The following GHR variants were observed in gnomAD, a reference collection of about 807,000 sequenced individuals.
GHR encodes growth hormone receptor.
A neutral mutation model predicts 67.1 loss-of-function variants in GHR; 35 were observed. That is an observed-to-expected ratio of 0.52 (90% CI 0.40 to 0.69). GHR has a LOEUF of 0.69. Ranked by LOEUF, GHR falls within the 30% of genes least tolerant of loss-of-function variation. GHR has a pLI of 0.00. For missense variants in GHR, 792 were observed against 764.6 expected, an observed-to-expected ratio of 1.04 and a Z score of -0.42; for synonymous variants, 272 against 269.1, an observed-to-expected ratio of 1.01 and a Z score of -0.10.
intron 1 of GHR, chr5:42,468,041 T>A: frequency 1.2e-6 from 1 of 843,416 alleles, no homozygotes; most frequent in South Asian, 1.6e-5. Context: ...ATCAGCTTTC[T>A]GGATTCTTCC....
intron 3 of GHR, among the ~76,000 whole-genome samples, chr5:42,655,654 G>T (rs952902138): frequency 1.3e-5 from 2 of 151,884 alleles, no homozygotes; most frequent in Non-Finnish European, 2.9e-5. Flanking sequence ...AATATATTCT[G>T]TTCATTGTCA....
At chr5:42,431,581 A>G (rs1403826432) in intron 1 of GHR, among the ~76,000 whole-genome samples, 1 of 152,200 alleles carries the variant, frequency 6.6e-6, no homozygotes, top group Non-Finnish European at 1.5e-5. Flanking sequence ...TCAGCAGATA[A>G]CTTCTTCTAC....
intron 3 of GHR, among the ~76,000 whole-genome samples, chr5:42,655,664 A>C (rs73097903): frequency 0.013 from 2,005 of 152,238 alleles, 36 homozygotes; most frequent in African/African-American, 0.045. Context: ...GTTCATTGTC[A>C]AACATAAAAT....
chr5:42,534,349 T>A (rs1748144803), intron 1 of GHR, among the ~76,000 whole-genome samples: 1 of 141,788 alleles, frequency 7.1e-6, no homozygotes, highest in Admixed American at 7.3e-5. Flanking sequence ...TATATATGTA[T>A]GTATATATGT....
At chr5:42,434,431 G>T (rs1743232981) in intron 1 of GHR, among the ~76,000 whole-genome samples, 1 of 152,132 alleles carries the variant, frequency 6.6e-6, no homozygotes, top group Non-Finnish European at 1.5e-5. Flanking sequence ...AAATTATTGT[G>T]CCTCCTCAAA....
chr5:42,657,776 T>C (rs1755334800), intron 3 of GHR, among the ~76,000 whole-genome samples: 2 of 152,326 alleles, frequency 1.3e-5, no homozygotes, highest in African/African-American at 4.8e-5. Context: ...TACTCCAGTA[T>C]ATCCTAAAAT....
chr5:42,619,306 C>T (rs191123138), intron 2 of GHR, among the ~76,000 whole-genome samples: 11 of 152,156 alleles, frequency 7.2e-5, no homozygotes, highest in Non-Finnish European at 8.8e-5. Context: ...CTCTCACTCT[C>T]TCTACTCCTG....
At chr5:42,466,291 T>C (rs186084201) in intron 1 of GHR, among the ~76,000 whole-genome samples, 91 of 152,326 alleles carry the variant, frequency 6.0e-4, no homozygotes, top group African/African-American at 2.2e-3. Context: ...TCAGGGGGTA[T>C]AGACAGTAAG....
chr5:42,689,509 G>T (rs990319749), intron 4 of GHR, among the ~76,000 whole-genome samples: 1 of 152,090 alleles, frequency 6.6e-6, no homozygotes, highest in Non-Finnish European at 1.5e-5. Context: ...GTCCTAGGAG[G>T]CCTCTCTATT....
At chr5:42,551,984 T>C (rs945479140) in intron 1 of GHR, among the ~76,000 whole-genome samples, 11 of 152,246 alleles carry the variant, frequency 7.2e-5, no homozygotes, top group African/African-American at 2.7e-4. Context: ...CTGATTTCAC[T>C]TAAGTAGACT....
intron 6 of GHR, among the ~76,000 whole-genome samples, chr5:42,708,484 T>G (rs1267191114): frequency 6.6e-6 from 1 of 152,178 alleles, no homozygotes; most frequent in Non-Finnish European, 1.5e-5. Flanking sequence ...ATTTATTATT[T>G]TCAGTTTAAA....
intron 2 of GHR, among the ~76,000 whole-genome samples, chr5:42,582,829 G>A (rs192203783): frequency 3.9e-5 from 6 of 152,230 alleles, no homozygotes; most frequent in Non-Finnish European, 5.9e-5. Flanking sequence ...AGATGCAGCC[G>A]CAGGCTTGCA....
chr5:42,514,458 A>T (rs1747155822), intron 1 of GHR: 1 of 268,162 alleles, frequency 3.7e-6, no homozygotes, highest in South Asian at 1.4e-4. Context: ...CCATATGCAT[A>T]AATGGTTCTA....
chr5:42,683,228 G>A (rs1034812601), intron 3 of GHR, among the ~76,000 whole-genome samples: 7 of 151,988 alleles, frequency 4.6e-5, no homozygotes, highest in South Asian at 4.2e-4. Context: ...TCTCGATCTC[G>A]TGACCTCATG....
intron 1 of GHR, among the ~76,000 whole-genome samples, chr5:42,521,390 A>G (rs1035974532): frequency 5.9e-5 from 9 of 152,330 alleles, no homozygotes; most frequent in Admixed American, 5.2e-4. Flanking sequence ...TTTGATCTAT[A>G]TACTATGAAG....
chr5:42,542,081 C>A (rs529956354), intron 1 of GHR, among the ~76,000 whole-genome samples: 1 of 152,112 alleles, frequency 6.6e-6, no homozygotes, highest in East Asian at 1.9e-4. Context: ...ATGAGATAAT[C>A]CAGGGAATAA....
intron 3 of GHR, among the ~76,000 whole-genome samples, chr5:42,644,418 G>T (rs1754628417): frequency 1.3e-5 from 2 of 152,054 alleles, no homozygotes; most frequent in African/African-American, 4.8e-5. Flanking sequence ...GAAAGAAATT[G>T]TCTGGTTTCT....
At chr5:42,576,533 C>A (rs1750755379) in intron 2 of GHR, among the ~76,000 whole-genome samples, 1 of 152,098 alleles carries the variant, frequency 6.6e-6, no homozygotes, top group African/African-American at 2.4e-5. Context: ...GCCCTGAGGG[C>A]TGAATAAACA....
At chr5:42,624,095 T>C (rs2112724218) in intron 2 of GHR, among the ~76,000 whole-genome samples, 1 of 152,334 alleles carries the variant, frequency 6.6e-6, no homozygotes, top group East Asian at 1.9e-4. Context: ...TTTGTTCCTT[T>C]TATGTCTCGA....
Sources: gnomAD v4.1 joint callset for allele counts (sites outside exome capture counted in the v4.1 genomes callset) on GRCh38, gnomAD v4.1.1 for gene constraint, MANE v1.5 for transcripts, NCBI Gene and HGNC (gene_info 2026-07-23, HGNC 2026-07-21) for gene names.